KIAA1549L: variants seen among roughly 807,000 people sequenced by gnomAD.
KIAA1549L encodes the protein UPF0606 protein KIAA1549L.
Under a neutral mutation model 160.7 loss-of-function variants are expected in KIAA1549L, and 88 were observed. The observed-to-expected ratio is 0.55, with a 90% CI of 0.46 to 0.65. KIAA1549L has a LOEUF of 0.65. KIAA1549L is among the 30% of genes least tolerant of loss of function. The pLI, the probability that KIAA1549L is intolerant of heterozygous loss-of-function variation, is 0.00. For missense variants in KIAA1549L, 2,258 were observed against 2,437.5 expected, an observed-to-expected ratio of 0.93 and a Z score of 1.55; for synonymous variants, 950 against 976.7, an observed-to-expected ratio of 0.97 and a Z score of 0.51.
intron 1 of KIAA1549L, among the ~76,000 whole-genome samples, chr11:33,384,474 C>T (rs899571193): frequency 6.6e-6 from 1 of 152,128 alleles, no homozygotes; most frequent in Non-Finnish European, 1.5e-5. Context: ...ATTGCTTGGT[C>T]ATGTGTTAGG....
chr11:33,494,258 A>G (rs1203116357), intron 1 of KIAA1549L, among the ~76,000 whole-genome samples: 2 of 152,248 alleles, frequency 1.3e-5, no homozygotes, highest in African/African-American at 2.4e-5. Context: ...ACCCAATGCA[A>G]GAAAACCAAA....
chr11:33,458,053 C>T (rs1311711397), intron 1 of KIAA1549L, among the ~76,000 whole-genome samples: 1 of 152,182 alleles, frequency 6.6e-6, no homozygotes, highest in Non-Finnish European at 1.5e-5. Flanking sequence ...TGTGCACGCT[C>T]TGAGGCCCGA....
At chr11:33,617,764 C>T (rs1850851801) in intron 15 of KIAA1549L, among the ~76,000 whole-genome samples, 1 of 150,638 alleles carries the variant, frequency 6.6e-6, no homozygotes, top group Non-Finnish European at 1.5e-5. Flanking sequence ...ACATAGTAGG[C>T]ATTCGGTAAA....
chr11:33,425,011 G>A (rs1256028435), intron 1 of KIAA1549L, among the ~76,000 whole-genome samples: 1 of 152,192 alleles, frequency 6.6e-6, no homozygotes, highest in Non-Finnish European at 1.5e-5. Flanking sequence ...AGTTGGCAGG[G>A]AGTCAGTGCT....
intron 12 of KIAA1549L, among the ~76,000 whole-genome samples, chr11:33,593,977 A>G (rs1850134091): frequency 2.6e-5 from 4 of 152,210 alleles, no homozygotes; most frequent in African/African-American, 9.6e-5. Flanking sequence ...TGTCATGATT[A>G]GAGGTCCAGA....
At chr11:33,427,041 C>T (rs115356385) in intron 1 of KIAA1549L, among the ~76,000 whole-genome samples, 1,902 of 152,296 alleles carry the variant, frequency 0.012, 43 homozygotes, top group African/African-American at 0.043. Flanking sequence ...AGCTCTCCAC[C>T]TTTACCCAGG....
At position 33,667,704 on chromosome 11, in the gene KIAA1549L, CA is replaced by C. The variant is rs1274641658; in HGVS notation, c.6160-166del. 3.9e-5 allele frequency among the ~76,000 whole-genome samples: 6 copies of C among 152,164 alleles called. 1 individual carries two copies. In the South Asian group the frequency reaches 1.2e-3, roughly 32 times the overall value. On this transcript the variant is annotated intron_variant, in intron 20 of 20. Transcript: ENST00000658780. Reference sequence around the variant, plus strand: ...CCACCGAAATTACCTATTTTCTAAACAAACTGACTCTGAGTTTTATATCTAT... The same window carrying C: ...CCACCGAAATTACCTATTTTCTAAACAACTGACTCTGAGTTTTATATCTAT...
At chr11:33,499,430 C>G (rs1565159987) in intron 1 of KIAA1549L, among the ~76,000 whole-genome samples, 1 of 152,198 alleles carries the variant, frequency 6.6e-6, no homozygotes, top group Admixed American at 6.5e-5. Flanking sequence ...TTTGTGTTCT[C>G]ACACTAGAAT....
chr11:33,517,425 A>C (rs1265494822), intron 1 of KIAA1549L, among the ~76,000 whole-genome samples: 4 of 152,192 alleles, frequency 2.6e-5, no homozygotes, highest in Non-Finnish European at 5.9e-5. Flanking sequence ...TACCTAGGGT[A>C]ATATCCATAT....
intron 1 of KIAA1549L, among the ~76,000 whole-genome samples, chr11:33,464,029 G>C (rs1489989578): frequency 6.6e-6 from 1 of 152,120 alleles, no homozygotes; most frequent in East Asian, 1.9e-4. Flanking sequence ...TTAATTGATA[G>C]CTGACACACA....
At chr11:33,428,070 A>G (rs1851156486) in intron 1 of KIAA1549L, among the ~76,000 whole-genome samples, 2 of 152,234 alleles carry the variant, frequency 1.3e-5, no homozygotes, top group Admixed American at 6.5e-5. Context: ...CAGTGCTGCT[A>G]TAAATATGAA....
intron 1 of KIAA1549L, among the ~76,000 whole-genome samples, chr11:33,465,132 T>G (rs1377827035): frequency 1.4e-5 from 2 of 139,594 alleles, no homozygotes; most frequent in Non-Finnish European, 3.0e-5. Context: ...CTTGGCTCAC[T>G]GCAACCTCCG....
At chr11:33,549,387 G>T (rs1294044454) in intron 4 of KIAA1549L, among the ~76,000 whole-genome samples, 1 of 152,190 alleles carries the variant, frequency 6.6e-6, no homozygotes, top group Non-Finnish European at 1.5e-5. Context: ...AAAGGAATTA[G>T]CAAGGGTTAG....
At chr11:33,615,152 A>G (rs1850776046) in intron 15 of KIAA1549L, among the ~76,000 whole-genome samples, 1 of 151,912 alleles carries the variant, frequency 6.6e-6, no homozygotes. Context: ...AATGACTTAC[A>G]CTCAAATCAT....
At chr11:33,565,196 G>A (rs1855007816) in intron 8 of KIAA1549L, among the ~76,000 whole-genome samples, 1 of 152,132 alleles carries the variant, frequency 6.6e-6, no homozygotes, top group South Asian at 2.1e-4. Context: ...TGCCTTCCAG[G>A]TGGACAGAGA....
At chr11:33,600,912 A>T (rs536928238) in intron 13 of KIAA1549L, among the ~76,000 whole-genome samples, 1 of 152,172 alleles carries the variant, frequency 6.6e-6, no homozygotes, top group Non-Finnish European at 1.5e-5. Context: ...AAGATGAGAG[A>T]GTGGGGCTGG....
chr11:33,383,319 C>G (rs1850110562), intron 1 of KIAA1549L, among the ~76,000 whole-genome samples: 1 of 150,926 alleles, frequency 6.6e-6, no homozygotes, highest in Non-Finnish European at 1.5e-5. Context: ...CTTCCCCAGA[C>G]AAAAATGAAT....
intron 1 of KIAA1549L, among the ~76,000 whole-genome samples, chr11:33,440,421 C>T (rs1335562878): frequency 3.9e-5 from 6 of 152,088 alleles, no homozygotes; most frequent in Non-Finnish European, 8.8e-5. Flanking sequence ...TGAGCCACCG[C>T]GCCCGGCCTA....
intron 1 of KIAA1549L, among the ~76,000 whole-genome samples, chr11:33,528,517 AT>A (rs1341044014): frequency 1.3e-5 from 2 of 152,244 alleles, no homozygotes; most frequent in African/African-American, 4.8e-5. Context: ...TGAAAAAGAC[AT>A]TTGCACATGC....
Sources: allele counts gnomAD v4.1 joint callset (sites outside exome capture counted in the v4.1 genomes callset), GRCh38; gene constraint gnomAD v4.1.1; transcripts MANE v1.5; gene names NCBI Gene and HGNC (gene_info 2026-07-23, HGNC 2026-07-21).